Variants in CLCN5 observed in about 807,000 individuals in gnomAD.
CLCN5 encodes the protein H(+)/Cl(-) exchange transporter 5.
A neutral mutation model predicts 54.0 loss-of-function variants in CLCN5; 17 were observed. That is an observed-to-expected ratio of 0.31 (90% CI 0.22 to 0.47). The LOEUF (loss-of-function observed/expected upper bound fraction) is 0.47. Ranked by LOEUF, CLCN5 falls within the 20% of genes least tolerant of loss-of-function variation. The pLI is 1.00. For missense variants in CLCN5, 448 were observed against 646.7 expected (o/e 0.69, Z 3.33); for synonymous variants, 222 against 233.0 (o/e 0.95, Z 0.43).
intron 3 of CLCN5, among the ~76,000 whole-genome samples, chrX:49,944,716 G>T (rs782423283): frequency 2.8e-3 from 307 of 111,583 alleles, no homozygotes; most frequent in Non-Finnish European, 5.1e-3. Context: ...TTATTGATTT[G>T]CGTATGTTGA....
Position 49,930,426 on chromosome X carries a change from A to G in CLCN5, c.16+5112A>G, listed in dbSNP as rs782098867. 3.6e-5 allele frequency among the ~76,000 whole-genome samples: 4 copies of G among 112,644 alleles called. No homozygotes were observed. In the South Asian group the frequency reaches 1.5e-3, roughly 41 times the overall value. On this transcript the variant is annotated intron_variant, in intron 3 of 14. Coordinates refer to ENST00000376091, the MANE Select transcript of CLCN5 (RefSeq NM_001127898.4). ...AAGGATATTAATTGCAGCATTTTCTATAATGGGAAAAATTGAAAACACTTG... is the reference window on the plus strand; with the variant it reads ...AAGGATATTAATTGCAGCATTTTCTGTAATGGGAAAAATTGAAAACACTTG...
chrX:49,978,041 C>T (rs1366892019), intron 3 of CLCN5, among the ~76,000 whole-genome samples: 1 of 111,904 alleles, frequency 8.9e-6, no homozygotes, highest in East Asian at 2.8e-4. Context: ...AAGCGGATCC[C>T]TTAAATTCCC....
At chrX:49,991,361 A>G (rs1344684571) in intron 3 of CLCN5, among the ~76,000 whole-genome samples, 1 of 111,869 alleles carries the variant, frequency 8.9e-6, no homozygotes, top group Non-Finnish European at 1.9e-5. Context: ...TCTTTTGAGA[A>G]TTGTCTATTC....
At chrX:49,971,411 G>A (rs1557176196) in intron 3 of CLCN5, among the ~76,000 whole-genome samples, 1 of 108,568 alleles carries the variant, frequency 9.2e-6, no homozygotes, top group Admixed American at 1.0e-4. Flanking sequence ...TGAATAGAAG[G>A]TGTGAGATTG....
chrX:50,088,836 T>G lies in CLCN5; in HGVS notation c.1696T>G (p.Cys566Gly). The change falls in exon 12 of 15, where the codon TGC becomes GGC. Residue 566 changes from cysteine (C) to glycine (G), a missense_variant. Cys to Gly is a radical substitution (Grantham distance 159). Around this residue, in one of 5 missense-constraint regions of CLCN5, gnomAD observed 297 missense variants for 470.4 expected, o/e 0.63. Coordinates refer to ENST00000376091, the MANE Select transcript of CLCN5 (RefSeq NM_001127898.4). ...TAGCTGGTGTAGTCAGGGAGCTGAT[T>G]GCATCACCCCCGGCCTTTATGCAAT... ...FNSWCSQGAD[C>G]ITPGLYAMVG... 1 of 1,211,790 alleles carries G rather than the reference T, an allele frequency of 8.3e-7. No homozygotes were observed. The highest frequency in any genetic ancestry group is 1.1e-6 in the Non-Finnish European group (1 of 895,420).
At chrX:50,082,826 G>T (rs1237511065) in intron 9 of CLCN5, among the ~76,000 whole-genome samples, 1 of 111,184 alleles carries the variant, frequency 9.0e-6, no homozygotes. Flanking sequence ...TTCAGATGTC[G>T]GTTTTTTCAC....
chrX:50,082,038 C>T (rs1402200413), intron 9 of CLCN5, among the ~76,000 whole-genome samples, 191 bp downstream of exon 9: 3 of 111,368 alleles, frequency 2.7e-5, no homozygotes, highest in Non-Finnish European at 5.7e-5. Flanking sequence ...GATAGTGCAG[C>T]GTCTGTCAAC....
intron 9 of CLCN5, among the ~76,000 whole-genome samples, chrX:50,084,838 T>G (rs1933832003): frequency 8.9e-6 from 1 of 111,862 alleles, no homozygotes; most frequent in Non-Finnish European, 1.9e-5. Context: ...GAAAGAAGGG[T>G]GTAGACAGAC....
At chrX:50,066,455 T>C (rs10283986) in intron 4 of CLCN5, among the ~76,000 whole-genome samples, 17,840 of 111,104 alleles carry the variant, frequency 0.16, 1,229 homozygotes, top group Middle Eastern at 0.27. Flanking sequence ...ACCTTAAGAA[T>C]TGATGCAAGT....
intron 3 of CLCN5, among the ~76,000 whole-genome samples, chrX:50,002,161 A>C (rs1471599643): frequency 3.7e-5 from 4 of 109,259 alleles, no homozygotes; most frequent in Non-Finnish European, 1.9e-5. Flanking sequence ...TTGCAACTCT[A>C]AGTACCATTT....
Position 50,075,795 on chromosome X carries a change from G to T in CLCN5, c.416G>T (p.Gly139Val). ...LLMLLIGLLS[G>V]SLAGLIDISA... ...CTTTCCCTCCCTCCCCACAAATCAG[G>T]TTCGTTAGCTGGTTTGATAGACATC... Residue 139 changes from glycine (G) to valine (V), a missense_variant and splice_region_variant, in exon 7 of 15, where the codon GGT becomes GTT. This residue lies in a region of CLCN5 where 41 missense variants were observed against 71.3 expected (regional missense o/e 0.58). Transcript: ENST00000376091. 2 of 1,210,066 alleles carry T rather than the reference G, an allele frequency of 1.7e-6. No homozygotes were observed. The highest frequency in any genetic ancestry group is 1.8e-5 in the South Asian group (1 of 56,941).
intron 3 of CLCN5, among the ~76,000 whole-genome samples, chrX:49,931,699 G>A (rs1232517851): frequency 1.8e-5 from 2 of 110,154 alleles, no homozygotes; most frequent in Non-Finnish European, 3.8e-5. Context: ...AGACTAGCGT[G>A]GGCAACATAG....
rs1229573914 is a variant in CLCN5 at position 50,098,700 on chromosome X, G to A, written c.*6481G>A. 1 of 113,131 alleles carries A rather than the reference G, an allele frequency of 8.8e-6. No individual in the cohort carries two copies. The highest frequency in any genetic ancestry group is 1.9e-5 in the Non-Finnish European group (1 of 53,391). The allele number at this position is 113,131 out of a possible 1,213,427, so 9.3% of individuals were successfully genotyped here. ...GAAGTTTGGTGCTGAGCTGTCCAGA[G>A]CAGTTGTTTATCTGAGTGTTGCTAG... On this transcript the variant is annotated 3_prime_UTR_variant, in exon 15 of 15. Transcript: ENST00000376091.
At chrX:50,013,793 GCTTGTGAGC>G (rs1184408026) in intron 3 of CLCN5, among the ~76,000 whole-genome samples, 2 of 112,436 alleles carry the variant, frequency 1.8e-5, no homozygotes, top group Non-Finnish European at 3.8e-5. Flanking sequence ...AAGGATACCA[GCTTGTGAGC>G]CTTGCCTATG....
At chrX:50,012,698 C>T (rs781957431) in intron 3 of CLCN5, among the ~76,000 whole-genome samples, 65 of 111,934 alleles carry the variant, frequency 5.8e-4, no homozygotes, top group African/African-American at 2.0e-3. Flanking sequence ...CAGTGGTTCT[C>T]AGTGTGGTCC....
intron 3 of CLCN5, among the ~76,000 whole-genome samples, chrX:49,975,082 A>G (rs1212951238): frequency 8.9e-6 from 1 of 112,243 alleles, no homozygotes; most frequent in Non-Finnish European, 1.9e-5. Flanking sequence ...AATGGTAATC[A>G]AGTGTAATGG....
intron 3 of CLCN5, among the ~76,000 whole-genome samples, chrX:49,942,412 T>C (rs1557171137): frequency 9.3e-6 from 1 of 107,398 alleles, no homozygotes. Context: ...TTTTTAAAAA[T>C]TATTATTATA....
chrX:50,071,898 T>C (rs782362933), intron 5 of CLCN5, among the ~76,000 whole-genome samples: 41 of 111,653 alleles, frequency 3.7e-4, no homozygotes, highest in Non-Finnish European at 5.6e-4. Flanking sequence ...TTGTCAAGTC[T>C]AGGACTTAAA....
chrX:50,056,437 G>T, intron 4 of CLCN5, among the ~76,000 whole-genome samples: 1 of 111,621 alleles, frequency 9.0e-6, no homozygotes, highest in Non-Finnish European at 1.9e-5. Context: ...TGAAGAACAA[G>T]TAAGGGAGTG....
Sources: allele counts gnomAD v4.1 joint callset (sites outside exome capture counted in the v4.1 genomes callset), GRCh38; gene constraint gnomAD v4.1.1; regional missense constraint gnomAD v4.1.1; transcripts MANE v1.5; gene names NCBI Gene and HGNC (gene_info 2026-07-23, HGNC 2026-07-21).